ZNF280D: variants seen among roughly 807,000 people sequenced by gnomAD.
ZNF280D encodes zinc finger protein 280D.
In ZNF280D, 39 loss-of-function variants were observed where a neutral mutation model predicts 94.7. That is an observed-to-expected ratio of 0.41 (90% CI 0.32 to 0.54). The LOEUF (loss-of-function observed/expected upper bound fraction) is 0.54, where lower values mean the gene tolerates loss of function less well. Among genes scored for constraint, ZNF280D ranks in the 20% least tolerant of loss-of-function variants. ZNF280D has a pLI of 0.22. For missense variants in ZNF280D, 1,090 were observed against 1,149.3 expected (o/e 0.95, Z 0.75); for synonymous variants, 398 against 377.6 (o/e 1.05, Z -0.63).
intron 19 of ZNF280D, among the ~76,000 whole-genome samples, chr15:56,648,557 G>T (rs1596346047): frequency 6.6e-6 from 1 of 152,022 alleles, no homozygotes; most frequent in East Asian, 1.9e-4. Flanking sequence ...TCTGAAGACA[G>T]ACTGACAGAA....
In ZNF280D at chr15:56,704,167, CTCA is replaced by C; in HGVS notation, c.126_128del (p.Asp42del). 2.5e-6 allele frequency: 4 copies of C among 1,613,806 alleles called. No individual in the cohort carries two copies. The highest frequency in any genetic ancestry group is 3.4e-6 in the Non-Finnish European group (4 of 1,179,918). The stretch of plus-strand genomic sequence containing the variant: ...TTGATATCTCGCCAACAAAGATTGG[CTCA>C]TCATCATCGTCATCCTCAACTTCTT... On this transcript the variant is annotated inframe_deletion, in exon 4 of 22. Coordinates refer to ENST00000267807, the MANE Select transcript of ZNF280D (RefSeq NM_017661.4).
chr15:56,671,001 C>T (rs768996143), intron 13 of ZNF280D, among the ~76,000 whole-genome samples: 2 of 151,832 alleles, frequency 1.3e-5, no homozygotes, highest in Non-Finnish European at 2.9e-5. Flanking sequence ...TGTCCATATC[C>T]TTTGCCCGCT....
chr15:56,643,207 A>G (rs2052715762), intron 19 of ZNF280D: 2 of 327,450 alleles, frequency 6.1e-6, no homozygotes, highest in Non-Finnish European at 1.1e-5. Flanking sequence ...AATGTGCTAA[A>G]TCAATAAAGA....
intron 3 of ZNF280D, among the ~76,000 whole-genome samples, chr15:56,705,961 T>C (rs1251845960): frequency 6.6e-6 from 1 of 150,920 alleles, no homozygotes; most frequent in Non-Finnish European, 1.5e-5. Context: ...CCAGTTGGTA[T>C]AGGTATAGGC....
chr15:56,731,332 A>C (rs2058873576), intron 1 of ZNF280D, among the ~76,000 whole-genome samples: 1 of 151,872 alleles, frequency 6.6e-6, no homozygotes, highest in Non-Finnish European at 1.5e-5. Flanking sequence ...GCAAAACCCC[A>C]TCTCTACAAA....
intron 1 of ZNF280D, among the ~76,000 whole-genome samples, chr15:56,719,034 A>G (rs1004075866): frequency 2.0e-4 from 31 of 152,292 alleles, no homozygotes; most frequent in African/African-American, 7.5e-4. Flanking sequence ...CAGGTTTTCC[A>G]CAAAGTTTAG....
At chr15:56,701,128 C>T in intron 5 of ZNF280D, 45 bp downstream of exon 5, 7 of 1,608,350 alleles carry the variant, frequency 4.4e-6, no homozygotes, top group Non-Finnish European at 5.9e-6. Flanking sequence ...TCAATTTTGT[C>T]AAAATACTTC....
At chr15:56,675,261 G>T (rs180810323) in intron 13 of ZNF280D, among the ~76,000 whole-genome samples, 31 of 152,016 alleles carry the variant, frequency 2.0e-4, no homozygotes, top group African/African-American at 7.2e-4. Flanking sequence ...TCTATAGTTT[G>T]ACAAAGCACC....
intron 3 of ZNF280D, among the ~76,000 whole-genome samples, chr15:56,704,678 C>A (rs1596578571): frequency 6.6e-6 from 1 of 152,010 alleles, no homozygotes; most frequent in Non-Finnish European, 1.5e-5. Flanking sequence ...TAAACTAAAC[C>A]AGATTCAAGA....
intron 12 of ZNF280D, 26 bp downstream of exon 12, chr15:56,677,547 TA>T: frequency 6.5e-7 from 1 of 1,529,462 alleles, no homozygotes; most frequent in Non-Finnish European, 9.0e-7. Flanking sequence ...ACCAAACACT[TA>T]AAAAAACAAT....
chr15:56,732,423 T>C (rs1446775516), intron 1 of ZNF280D, among the ~76,000 whole-genome samples: 1 of 152,206 alleles, frequency 6.6e-6, no homozygotes, highest in Non-Finnish European at 1.5e-5. Flanking sequence ...GTTAAGTTTC[T>C]GCGTGGAGAC....
chr15:56,713,086 T>A (rs562639804), intron 1 of ZNF280D, among the ~76,000 whole-genome samples: 3 of 152,222 alleles, frequency 2.0e-5, no homozygotes, highest in East Asian at 3.9e-4. Context: ...ATTCAAGATA[T>A]AAAATCAATG....
intron 13 of ZNF280D, among the ~76,000 whole-genome samples, chr15:56,672,605 T>G (rs1162755020): frequency 3.3e-5 from 5 of 152,052 alleles, no homozygotes; most frequent in African/African-American, 1.2e-4. Flanking sequence ...GATTTTTGCA[T>G]CGAGGTTCAT....
intron 16 of ZNF280D, 95 bp downstream of exon 16, chr15:56,666,300 A>C (rs1156605841): frequency 7.3e-7 from 1 of 1,363,992 alleles, no homozygotes; most frequent in Non-Finnish European, 1.0e-6. Flanking sequence ...CCTTGAAGAG[A>C]AAAACTGGCT....
chr15:56,704,343 A>G (rs2057272037), intron 3 of ZNF280D, 76 bp from the exon 4 acceptor site: 3 of 1,355,958 alleles, frequency 2.2e-6, no homozygotes, highest in African/African-American at 3.0e-5. Flanking sequence ...ACATAGCATT[A>G]ATTTTAAGGT....
rs36004101 is a variant in ZNF280D, at chr15:56,702,023, CAAAA to C, written c.176-789_176-786del. Among the ~76,000 whole-genome samples the C allele has an allele frequency of 3.1e-5, 4 of 128,608 alleles. No individual in the cohort carries two copies. In the South Asian group the frequency reaches 7.5e-4, roughly 24 times the overall value. 84.4% of individuals were successfully genotyped at this position (128,608 alleles called of 152,430 possible). ...TGGTTAGAAAAAGGTAAAAAGCACC[CAAAA>C]AAAAAAAAAAAAACCACCCACCAAA... On this transcript the variant is annotated intron_variant, in intron 4 of 21. Coordinates refer to ENST00000267807, the MANE Select transcript of ZNF280D (RefSeq NM_017661.4).
intron 1 of ZNF280D, chr15:56,729,664 T>A (rs2058792912): frequency 6.6e-6 from 1 of 152,214 alleles, no homozygotes; most frequent in African/African-American, 2.4e-5. Flanking sequence ...GGGAAAAGCT[T>A]CAGTTACAAA....
intron 10 of ZNF280D, among the ~76,000 whole-genome samples, chr15:56,679,552 G>A (rs1468960621): frequency 1.3e-5 from 2 of 152,180 alleles, no homozygotes; most frequent in African/African-American, 4.8e-5. Context: ...AGGCTTCTAT[G>A]AGCAGGAATT....
At chr15:56,731,262 G>C (rs767810422) in intron 1 of ZNF280D, among the ~76,000 whole-genome samples, 25 of 152,064 alleles carry the variant, frequency 1.6e-4, no homozygotes, top group Non-Finnish European at 2.4e-4. Flanking sequence ...CAGCACTTTG[G>C]GAGGCCGAGG....
Sources: allele counts gnomAD v4.1 joint callset (sites outside exome capture counted in the v4.1 genomes callset), GRCh38; gene constraint gnomAD v4.1.1; transcripts MANE v1.5; gene names NCBI Gene and HGNC (gene_info 2026-07-23, HGNC 2026-07-21).